Variants in KSR1 observed in about 807,000 individuals in gnomAD.
The protein encoded by KSR1 is kinase suppressor of ras.
Under a neutral mutation model 92.9 loss-of-function variants are expected in KSR1, and 35 were observed. That is an observed-to-expected ratio of 0.38 (90% CI 0.29 to 0.50). The LOEUF (loss-of-function observed/expected upper bound fraction) is 0.50. KSR1 is among the 20% of genes least tolerant of loss of function. The pLI is 0.94. For missense variants in KSR1, 972 were observed against 1,158.5 expected (o/e 0.84, Z 2.34); for synonymous variants, 467 against 472.6 (o/e 0.99, Z 0.15).
chr17:27,494,087 C>T (rs547482082), intron 1 of KSR1, among the ~76,000 whole-genome samples: 1 of 152,116 alleles, frequency 6.6e-6, no homozygotes, highest in Non-Finnish European at 1.5e-5. Flanking sequence ...CCCAGAAATG[C>T]TTGGGGAGTC....
At chr17:27,533,637 C>T (rs1475352322) in intron 1 of KSR1, among the ~76,000 whole-genome samples, 1 of 152,158 alleles carries the variant, frequency 6.6e-6, no homozygotes, top group African/African-American at 2.4e-5. Context: ...CCGCCTCGGC[C>T]TCCCAAAGTG....
At position 27,617,277 on chromosome 17, in the gene KSR1, T is replaced by C. The variant is rs1270807783; in HGVS notation, c.2494-18T>C. The C allele has an allele frequency of 6.2e-7, 1 of 1,600,536 alleles. No individual in the cohort carries two copies. Among genetic ancestry groups the C allele is most frequent in the African/African-American group, 1.3e-5 (1 of 74,686 alleles). On this transcript the variant is annotated intron_variant, in intron 18 of 20. Coordinates refer to ENST00000644974, the MANE Select transcript of KSR1 (RefSeq NM_001394583.1). ...TCCCAGCCAGCTCACACACCACTAA[T>C]GGCAGCTCCATTTGCAGGAGATCCT... is the stretch of plus-strand genomic sequence containing the variant.
intron 11 of KSR1, among the ~76,000 whole-genome samples, chr17:27,602,941 G>A (rs950236062): frequency 6.6e-6 from 1 of 152,266 alleles, no homozygotes; most frequent in Non-Finnish European, 1.5e-5. Context: ...CCTAGAAGAA[G>A]GTCGAGGGAG....
At position 27,609,193 on chromosome 17, in the gene KSR1, C is replaced by T; in HGVS notation, c.2092-3C>T. On this transcript the variant is annotated splice_region_variant and splice_polypyrimidine_tract_variant and intron_variant, in intron 15 of 20. Coordinates refer to ENST00000644974, the MANE Select transcript of KSR1 (RefSeq NM_001394583.1). ...TCTTCACTCCTCCTGATGTGTCCTC[C>T]AGGGCATGGGATATCTTCATGCCAA... 1 of 1,613,066 alleles carries T rather than the reference C, an allele frequency of 6.2e-7. No individual in the cohort carries two copies. Among genetic ancestry groups the T allele is most frequent in the Non-Finnish European group, 8.5e-7 (1 of 1,179,166 alleles).
At chr17:27,526,037 C>CTTTTCTTTTCTTTTCTT (rs2070260942) in intron 1 of KSR1, among the ~76,000 whole-genome samples, 1 of 95,554 alleles carries the variant, frequency 1.0e-5, no homozygotes, top group Non-Finnish European at 1.9e-5. Context: ...CTTTTCTTTT[C>CTTTTCTTTTCTTTTCTT]TTTTCTTTCT....
At chr17:27,602,540 C>T (rs1480435179) in intron 11 of KSR1, among the ~76,000 whole-genome samples, 1 of 152,226 alleles carries the variant, frequency 6.6e-6, no homozygotes, top group Non-Finnish European at 1.5e-5. Flanking sequence ...ATGCATGATA[C>T]ACTCTTAACT....
chr17:27,503,865 C>A (rs1030109770), intron 1 of KSR1, among the ~76,000 whole-genome samples: 1 of 152,130 alleles, frequency 6.6e-6, no homozygotes, highest in African/African-American at 2.4e-5. Context: ...AGTCAACTCA[C>A]GATGAACACG....
At chr17:27,546,681 T>TG (rs1567812724) in intron 1 of KSR1, among the ~76,000 whole-genome samples, 1 of 151,972 alleles carries the variant, frequency 6.6e-6, no homozygotes. Flanking sequence ...GGAACGGAGC[T>TG]GGGGGGCTGG....
At chr17:27,616,435 T>C (rs1431043948) in intron 18 of KSR1, among the ~76,000 whole-genome samples, 2 of 152,260 alleles carry the variant, frequency 1.3e-5, no homozygotes, top group Non-Finnish European at 2.9e-5. Context: ...TATTTGTTGA[T>C]TTCTTTTTTA....
At chr17:27,568,406 C>G (rs2072169640) in intron 2 of KSR1, among the ~76,000 whole-genome samples, 1 of 152,274 alleles carries the variant, frequency 6.6e-6, no homozygotes, top group Non-Finnish European at 1.5e-5. Context: ...ACCCACCAGA[C>G]TCCAAGGCTG....
intron 1 of KSR1, chr17:27,471,867 T>A (rs982676582): frequency 1.3e-5 from 2 of 152,316 alleles, no homozygotes; most frequent in Non-Finnish European, 2.9e-5. Context: ...AGCTGACTCA[T>A]CTCTGTACTG....
At chr17:27,548,584 C>G (rs1207764288) in intron 1 of KSR1, among the ~76,000 whole-genome samples, 1 of 150,834 alleles carries the variant, frequency 6.6e-6, no homozygotes, top group Admixed American at 6.7e-5. Context: ...AATCCCAACA[C>G]TTTGGGAGGC....
At chr17:27,486,951 T>C (rs1314662763) in intron 1 of KSR1, among the ~76,000 whole-genome samples, 3 of 152,230 alleles carry the variant, frequency 2.0e-5, no homozygotes, top group African/African-American at 7.2e-5. Flanking sequence ...CCTTGGGTAC[T>C]TTCCTGATCT....
intron 1 of KSR1, among the ~76,000 whole-genome samples, chr17:27,503,649 C>G (rs149090029): frequency 5.7e-4 from 87 of 152,336 alleles, no homozygotes; most frequent in African/African-American, 2.1e-3. Flanking sequence ...AAGCATTGCA[C>G]TCTCCTACCT....
At chr17:27,576,464 C>T (rs2072509136) in intron 2 of KSR1, among the ~76,000 whole-genome samples, 1 of 152,224 alleles carries the variant, frequency 6.6e-6, no homozygotes, top group South Asian at 2.1e-4. Context: ...GGAATGTGGT[C>T]TCTCTTCTCT....
At chr17:27,519,807 C>T (rs969248503) in intron 1 of KSR1, among the ~76,000 whole-genome samples, 1 of 152,244 alleles carries the variant, frequency 6.6e-6, no homozygotes, top group South Asian at 2.1e-4. Flanking sequence ...AGGAAAGTCC[C>T]TGGTCCATGG....
chr17:27,620,379 GACAA>G (rs753257162), intron 19 of KSR1, among the ~76,000 whole-genome samples: 1 of 152,222 alleles, frequency 6.6e-6, no homozygotes, highest in African/African-American at 2.4e-5. Flanking sequence ...GTGTCCTAAA[GACAA>G]ACAGACACAC....
At chr17:27,557,750 G>A (rs1289015405) in intron 2 of KSR1, among the ~76,000 whole-genome samples, 3 of 152,172 alleles carry the variant, frequency 2.0e-5, no homozygotes, top group Non-Finnish European at 4.4e-5. Flanking sequence ...AGGTGGTTCG[G>A]AGAGACCATG....
intron 1 of KSR1, among the ~76,000 whole-genome samples, chr17:27,488,903 G>T (rs536447243): frequency 2.6e-5 from 4 of 152,362 alleles, no homozygotes; most frequent in African/African-American, 9.6e-5. Flanking sequence ...GGCGGAGGTT[G>T]CAGTAAGCCG....
Sources: gnomAD v4.1 joint callset for allele counts (sites outside exome capture counted in the v4.1 genomes callset) on GRCh38, gnomAD v4.1.1 for gene constraint, MANE v1.5 for transcripts, NCBI Gene and HGNC (gene_info 2026-07-23, HGNC 2026-07-21) for gene names.